The following CDYL variants were observed in gnomAD, a reference collection of about 807,000 sequenced individuals.
CDYL encodes the protein chromodomain Y like, also known as chromodomain Y-like protein.
Under a neutral mutation model 47.3 loss-of-function variants are expected in CDYL, and 8 were observed. That is an observed-to-expected ratio of 0.17 (90% CI 0.10 to 0.31). The LOEUF is 0.31. CDYL is among the 10% of genes least tolerant of loss of function. The pLI, the probability that CDYL is intolerant of heterozygous loss-of-function variation, is 1.00. For missense variants in CDYL, 471 were observed against 701.4 expected (o/e 0.67, Z 3.71); for synonymous variants, 266 against 265.0 (o/e 1.00, Z -0.04).
intron 2 of CDYL, among the ~76,000 whole-genome samples, chr6:4,720,171 AAAAACT>A (rs1757342107): frequency 6.6e-6 from 1 of 152,248 alleles, no homozygotes; most frequent in Non-Finnish European, 1.5e-5. Context: ...TCTGAAGGAA[AAAAACT>A]TGTAAACATT....
intron 2 of CDYL, among the ~76,000 whole-genome samples, chr6:4,902,846 G>A (rs1757110642): frequency 6.6e-6 from 1 of 152,126 alleles, no homozygotes; most frequent in Non-Finnish European, 1.5e-5. Context: ...CCCTAGAACA[G>A]TCTGAAAAAA....
chr6:4,876,812 C>T (rs762879373), intron 1 of CDYL, among the ~76,000 whole-genome samples: 8 of 152,112 alleles, frequency 5.3e-5, no homozygotes, highest in Non-Finnish European at 8.8e-5. Context: ...GTGGGAATGA[C>T]GTAAATTTTG....
chr6:4,749,525 A>G (rs1279868016), intron 3 of CDYL, among the ~76,000 whole-genome samples: 3 of 152,212 alleles, frequency 2.0e-5, no homozygotes, highest in African/African-American at 7.2e-5. Flanking sequence ...AATGTGTTCT[A>G]TTTAGGGCTG....
chr6:4,748,340 C>T, intron 3 of CDYL, among the ~76,000 whole-genome samples: 1 of 151,926 alleles, frequency 6.6e-6, no homozygotes, highest in East Asian at 1.9e-4. Flanking sequence ...CTGGGAAACA[C>T]AGCATTTTTT....
chr6:4,784,937 G>A (rs948366756), intron 1 of CDYL, among the ~76,000 whole-genome samples: 3 of 150,384 alleles, frequency 2.0e-5, no homozygotes, highest in Admixed American at 1.3e-4. Context: ...ACCATGTAAC[G>A]TGTGACCTTG....
At chr6:4,765,153 C>T (rs1166100909) in intron 3 of CDYL, among the ~76,000 whole-genome samples, 1 of 152,032 alleles carries the variant, frequency 6.6e-6, no homozygotes, top group African/African-American at 2.4e-5. Flanking sequence ...CGAAACCCAT[C>T]TCTACTAAAG....
chr6:4,844,194 T>C (rs1425952905), intron 1 of CDYL, among the ~76,000 whole-genome samples: 2 of 152,234 alleles, frequency 1.3e-5, no homozygotes, highest in Non-Finnish European at 2.9e-5. Flanking sequence ...TTCAGGTCTC[T>C]CAACTGTAGA....
intron 1 of CDYL, among the ~76,000 whole-genome samples, chr6:4,712,293 G>C (rs1757165306): frequency 6.6e-6 from 1 of 152,112 alleles, no homozygotes; most frequent in Admixed American, 6.5e-5. Context: ...CCAAATCCTT[G>C]GCAGATGTTA....
chr6:4,886,217 G>A (rs1294577290), intron 1 of CDYL, among the ~76,000 whole-genome samples: 1 of 152,142 alleles, frequency 6.6e-6, no homozygotes, highest in African/African-American at 2.4e-5. Context: ...TCTTCTGTAA[G>A]TTTTGGTGGG....
chr6:4,797,835 G>A (rs1759118419), intron 1 of CDYL, among the ~76,000 whole-genome samples: 1 of 152,172 alleles, frequency 6.6e-6, no homozygotes, highest in South Asian at 2.1e-4. Flanking sequence ...TCGTCACTTG[G>A]TGGGACATTT....
chr6:4,723,525 G>C (rs187264672), intron 2 of CDYL, among the ~76,000 whole-genome samples: 1 of 152,254 alleles, frequency 6.6e-6, no homozygotes, highest in African/African-American at 2.4e-5. Context: ...AAGAGTGGGG[G>C]CTGCCAGCAC....
chr6:4,849,594 C>A, intron 1 of CDYL, among the ~76,000 whole-genome samples: 1 of 151,176 alleles, frequency 6.6e-6, no homozygotes, highest in Non-Finnish European at 1.5e-5. Flanking sequence ...ACTGCTTTTG[C>A]ACAAAAACTT....
intron 2 of CDYL, among the ~76,000 whole-genome samples, chr6:4,729,210 C>T (rs1475057892): frequency 6.6e-6 from 1 of 152,098 alleles, no homozygotes; most frequent in Non-Finnish European, 1.5e-5. Flanking sequence ...CATCTTTTTT[C>T]CACCCCTGAA....
At position 4,879,970 on chromosome 6, in the gene CDYL, C is replaced by T. The variant is rs1040343724; in HGVS notation, c.25-11743C>T. 2.6e-5 allele frequency among the ~76,000 whole-genome samples: 4 copies of T among 152,168 alleles called. No homozygotes were observed. In the East Asian group the frequency reaches 5.8e-4, roughly 22 times the overall value. ...CCTCTCGCACGCCCCTACACACATA[C>T]AGCCTCCCTCATTATCAGCATTCCC... On this transcript the variant is annotated intron_variant, in intron 1 of 6. Coordinates refer to ENST00000397588, the MANE Select transcript of CDYL (RefSeq NM_004824.4).
At chr6:4,786,510 C>CA in intron 1 of CDYL, among the ~76,000 whole-genome samples, 1 of 151,338 alleles carries the variant, frequency 6.6e-6, no homozygotes, top group South Asian at 2.1e-4. Flanking sequence ...TTAAGTAGTT[C>CA]AAAAAAAATT....
At chr6:4,871,602 A>G (rs1411491689) in intron 1 of CDYL, among the ~76,000 whole-genome samples, 2 of 152,194 alleles carry the variant, frequency 1.3e-5, no homozygotes, top group Non-Finnish European at 2.9e-5. Context: ...CTCACGTGGC[A>G]GACCTACAAG....
intron 1 of CDYL, among the ~76,000 whole-genome samples, chr6:4,787,928 C>T (rs971889410): frequency 4.0e-5 from 6 of 151,790 alleles, no homozygotes; most frequent in African/African-American, 9.7e-5. Context: ...TGCGCCACCA[C>T]GCCTGGCTAA....
chr6:4,717,677 CT>C (rs1757290417), intron 2 of CDYL, among the ~76,000 whole-genome samples: 1 of 97,490 alleles, frequency 1.0e-5, no homozygotes, highest in Non-Finnish European at 1.8e-5. Flanking sequence ...TGCACTGAAG[CT>C]TAGGCAACAG....
intron 1 of CDYL, among the ~76,000 whole-genome samples, chr6:4,873,891 C>T (rs1761542961): frequency 6.6e-6 from 1 of 152,204 alleles, no homozygotes; most frequent in Non-Finnish European, 1.5e-5. Context: ...CCTGCCACTG[C>T]TTGCTCATTC....
Sources: gnomAD v4.1 joint callset for allele counts (sites outside exome capture counted in the v4.1 genomes callset) on GRCh38, gnomAD v4.1.1 for gene constraint, MANE v1.5 for transcripts, NCBI Gene and HGNC (gene_info 2026-07-23, HGNC 2026-07-21) for gene names.